Variants in CCDC91 observed in about 807,000 individuals in gnomAD.
CCDC91 encodes the protein coiled-coil domain-containing protein 91.
Under a neutral mutation model 63.2 loss-of-function variants are expected in CCDC91, and 48 were observed. That is an observed-to-expected ratio of 0.76 (90% CI 0.60 to 0.97). The LOEUF (loss-of-function observed/expected upper bound fraction) is 0.97, where lower values mean the gene tolerates loss of function less well. Ranked by LOEUF, CCDC91 falls within the 50% of genes least tolerant of loss-of-function variation. CCDC91 has a pLI of 0.00. For missense variants in CCDC91, 500 were observed against 494.6 expected, an observed-to-expected ratio of 1.01 and a Z score of -0.10; for synonymous variants, 167 against 165.8, an observed-to-expected ratio of 1.01 and a Z score of -0.06.
At chr12:28,221,263 G>T (rs994605496) in intron 1 of CCDC91, among the ~76,000 whole-genome samples, 3 of 151,752 alleles carry the variant, frequency 2.0e-5, no homozygotes, top group African/African-American at 7.3e-5. Flanking sequence ...TATCTTCCAT[G>T]CCTCTCATCA....
At chr12:28,370,555 CCAACATGTTT>C (rs1333856937) in intron 7 of CCDC91, among the ~76,000 whole-genome samples, 4 of 152,188 alleles carry the variant, frequency 2.6e-5, no homozygotes, top group Admixed American at 2.6e-4. Flanking sequence ...TCTGAGCTCT[CCAACATGTTT>C]CAACCTTCAT....
chr12:28,374,068 A>T (rs1202008900), intron 7 of CCDC91, among the ~76,000 whole-genome samples: 3 of 152,152 alleles, frequency 2.0e-5, no homozygotes, highest in Non-Finnish European at 4.4e-5. Flanking sequence ...GCAATGTGAG[A>T]ACGAACTAAT....
intron 6 of CCDC91, among the ~76,000 whole-genome samples, chr12:28,349,447 G>C (rs892827180): frequency 6.6e-6 from 1 of 152,152 alleles, no homozygotes; most frequent in Non-Finnish European, 1.5e-5. Flanking sequence ...TTTGAGCAGG[G>C]CTAGTTTTAT....
At chr12:28,366,790 A>G (rs1418202796) in intron 7 of CCDC91, among the ~76,000 whole-genome samples, 1 of 152,026 alleles carries the variant, frequency 6.6e-6, no homozygotes, top group Non-Finnish European at 1.5e-5. Context: ...GTTTCAGTGG[A>G]TGGTTTGTGG....
chr12:28,211,756 C>G (rs1350480925), intron 1 of CCDC91, among the ~76,000 whole-genome samples: 2 of 151,840 alleles, frequency 1.3e-5, no homozygotes, highest in Non-Finnish European at 2.9e-5. Flanking sequence ...ATTAACTTAG[C>G]CAGTTCTTTT....
intron 3 of CCDC91, among the ~76,000 whole-genome samples, chr12:28,287,545 C>G (rs771107243): frequency 2.0e-5 from 3 of 152,088 alleles, no homozygotes; most frequent in South Asian, 4.1e-4. Context: ...TCTCGGGTCT[C>G]TCTCCTGTTC....
At chr12:28,202,467 C>G (rs1408711252) in intron 1 of CCDC91, among the ~76,000 whole-genome samples, 1 of 149,350 alleles carries the variant, frequency 6.7e-6, no homozygotes, top group Non-Finnish European at 1.5e-5. Flanking sequence ...TTCCTGAACT[C>G]TTTATGTAAA....
At chr12:28,249,097 T>C (rs767596015) in intron 1 of CCDC91, among the ~76,000 whole-genome samples, 12 of 152,170 alleles carry the variant, frequency 7.9e-5, no homozygotes, top group African/African-American at 2.2e-4. Context: ...TTTGCTTTGA[T>C]AGCAGAAAGG....
chr12:28,191,767 G>A (rs950964309), intron 1 of CCDC91, among the ~76,000 whole-genome samples: 10 of 152,152 alleles, frequency 6.6e-5, no homozygotes, highest in Admixed American at 5.9e-4. Flanking sequence ...TGCGTTGAGG[G>A]GATTGGTTAT....
chr12:28,301,389 C>T (rs1365005390), intron 3 of CCDC91, among the ~76,000 whole-genome samples: 1 of 151,356 alleles, frequency 6.6e-6, no homozygotes, highest in East Asian at 1.9e-4. Flanking sequence ...TAATAGGTAA[C>T]CAGTCTTGCA....
At chr12:28,245,075 A>G (rs1204878650) in intron 1 of CCDC91, among the ~76,000 whole-genome samples, 1 of 152,118 alleles carries the variant, frequency 6.6e-6, no homozygotes, top group Non-Finnish European at 1.5e-5. Context: ...AGGGGTATTT[A>G]TAGAATGTTA....
At chr12:28,271,110 A>C (rs1197040145) in intron 3 of CCDC91, among the ~76,000 whole-genome samples, 1 of 152,150 alleles carries the variant, frequency 6.6e-6, no homozygotes, top group African/African-American at 2.4e-5. Context: ...GCTAGGAAGA[A>C]TATCAGATAC....
intron 12 of CCDC91, among the ~76,000 whole-genome samples, chr12:28,484,509 T>G (rs1951618571): frequency 6.6e-6 from 1 of 152,156 alleles, no homozygotes; most frequent in Admixed American, 6.6e-5. Flanking sequence ...CATAGACATG[T>G]GTATGCATCA....
intron 8 of CCDC91, among the ~76,000 whole-genome samples, chr12:28,392,460 C>A (rs1241179393): frequency 6.6e-6 from 1 of 152,128 alleles, no homozygotes; most frequent in African/African-American, 2.4e-5. Flanking sequence ...TTACCTGATA[C>A]AATTTCGAAG....
chr12:28,312,446 G>T (rs1020355066), intron 6 of CCDC91, among the ~76,000 whole-genome samples: 1 of 151,900 alleles, frequency 6.6e-6, no homozygotes, highest in Admixed American at 6.6e-5. Context: ...GAAATCTTAG[G>T]CTTCCGTATT....
intron 12 of CCDC91, among the ~76,000 whole-genome samples, chr12:28,496,908 CACAT>C (rs1326701151): frequency 6.9e-6 from 1 of 145,668 alleles, no homozygotes; most frequent in African/African-American, 2.5e-5. Flanking sequence ...TATATATACA[CACAT>C]ATATAAGGTA....
chr12:28,200,993 G>T (rs1942218888), intron 1 of CCDC91, among the ~76,000 whole-genome samples: 1 of 134,228 alleles, frequency 7.5e-6, no homozygotes, highest in Non-Finnish European at 1.6e-5. Context: ...CGGCTGGCCG[G>T]GCGGGGGGCT....
chr12:28,268,997 G>A (rs1947551923), intron 3 of CCDC91, among the ~76,000 whole-genome samples: 1 of 152,124 alleles, frequency 6.6e-6, no homozygotes, highest in Non-Finnish European at 1.5e-5. Context: ...TGGCCAGACA[G>A]GGTTGAGGGA....
intron 3 of CCDC91, among the ~76,000 whole-genome samples, chr12:28,281,605 A>G (rs1296338752): frequency 1.3e-5 from 2 of 152,162 alleles, no homozygotes; most frequent in East Asian, 3.8e-4. Flanking sequence ...AGGCTATCAC[A>G]GTATTCTTAT....
Sources: gnomAD v4.1 joint callset for allele counts (sites outside exome capture counted in the v4.1 genomes callset) on GRCh38, gnomAD v4.1.1 for gene constraint, MANE v1.5 for transcripts, NCBI Gene and HGNC (gene_info 2026-07-23, HGNC 2026-07-21) for gene names.